The following ASB4 variants were observed in gnomAD, a reference collection of about 807,000 sequenced individuals.
ASB4 encodes the protein ankyrin repeat and SOCS box protein 4.
A neutral mutation model predicts 38.6 loss-of-function variants in ASB4; 35 were observed. The ratio of observed to expected loss-of-function variants is 0.91; its 90% CI spans 0.69 to 1.20. The LOEUF (loss-of-function observed/expected upper bound fraction) is 1.20. ASB4 is among the 50% of genes most tolerant of loss of function. The probability of loss-of-function intolerance (pLI) is 0.00; values close to 1 mark genes in which losing one functional copy is unlikely to be tolerated. For missense variants in ASB4, 557 were observed against 527.2 expected, an observed-to-expected ratio of 1.06 and a Z score of -0.55; for synonymous variants, 195 against 201.3, an observed-to-expected ratio of 0.97 and a Z score of 0.26.
Position 95,537,776 on chromosome 7 carries a change from G to T in ASB4, c.*17G>T. Reference sequence around the variant, plus strand: ...ATTTATTAAGCCTTATGAGACAGCAGTTCCCAATCCTAGGTATTTAAGTGG... The same window carrying T: ...ATTTATTAAGCCTTATGAGACAGCATTTCCCAATCCTAGGTATTTAAGTGG... On this transcript the variant is annotated 3_prime_UTR_variant, in exon 5 of 5. Coordinates refer to ENST00000325885, the MANE Select transcript of ASB4 (RefSeq NM_016116.3). The T allele has an allele frequency of 6.2e-7, 1 of 1,605,290 alleles. No individual in the cohort carries two copies. The highest frequency in any genetic ancestry group is 1.1e-5 in the South Asian group (1 of 90,120).
At chr7:95,480,442 G>A (rs1790013026) in intron 1 of ASB4, among the ~76,000 whole-genome samples, 3 of 152,146 alleles carry the variant, frequency 2.0e-5, no homozygotes, top group African/African-American at 7.2e-5. Context: ...CTGAATCAGT[G>A]CTAGTCAGTG....
downstream of ASB4, among the ~76,000 whole-genome samples, chr7:95,540,487 G>T (rs1790956874): frequency 6.6e-6 from 1 of 152,170 alleles, no homozygotes; most frequent in Admixed American, 6.5e-5. Context: ...AAATTGTACT[G>T]AATCATTCTC....
chr7:95,531,953 G>A (rs1300007069), intron 3 of ASB4, among the ~76,000 whole-genome samples: 2 of 152,168 alleles, frequency 1.3e-5, no homozygotes, highest in African/African-American at 4.8e-5. Flanking sequence ...TTGGCTGTAT[G>A]CTAAAGACAT....
At chr7:95,506,634 A>G (rs1481315765) in intron 2 of ASB4, among the ~76,000 whole-genome samples, 4 of 149,896 alleles carry the variant, frequency 2.7e-5, no homozygotes, top group Admixed American at 2.0e-4. Flanking sequence ...AGCCATTTAC[A>G]TCTTCATTTT....
chr7:95,489,957 A>G (rs1485125600), intron 1 of ASB4, among the ~76,000 whole-genome samples: 1 of 152,222 alleles, frequency 6.6e-6, no homozygotes, highest in Non-Finnish European at 1.5e-5. Flanking sequence ...CTTCCTTCAG[A>G]TGTATGAGCT....
chr7:95,493,230 C>T (rs1790197592), intron 1 of ASB4, among the ~76,000 whole-genome samples: 1 of 152,056 alleles, frequency 6.6e-6, no homozygotes, highest in Admixed American at 6.6e-5. Context: ...TTAAACAATC[C>T]TCAGTCCATT....
intron 2 of ASB4, among the ~76,000 whole-genome samples, chr7:95,511,752 C>T (rs1316631254): frequency 6.6e-6 from 1 of 152,084 alleles, no homozygotes; most frequent in African/African-American, 2.4e-5. Context: ...TTTCACTAAT[C>T]CTCACAACTA....
intron 2 of ASB4, among the ~76,000 whole-genome samples, chr7:95,508,358 G>A (rs553493632): frequency 6.6e-6 from 1 of 152,218 alleles, no homozygotes; most frequent in South Asian, 2.1e-4. Context: ...AAAGTAAGAA[G>A]TGAAGAGAGT....
At chr7:95,527,190 T>C (rs779007755) in intron 2 of ASB4, among the ~76,000 whole-genome samples, 14 of 152,056 alleles carry the variant, frequency 9.2e-5, no homozygotes, top group Non-Finnish European at 1.3e-4. Flanking sequence ...TGTGTGCATG[T>C]GTATGTGTGT....
rs1790947552 is a variant in ASB4, at chr7:95,539,926, A to C, written c.*2167A>C. ...AATTAACAAAGTAAAACAAGATCAC[A>C]CCCTGGAACAATTGGAGGATTGCTT... On this transcript the variant is annotated 3_prime_UTR_variant, in exon 5 of 5. Transcript: ENST00000325885. 6.6e-6 allele frequency: 1 copy of C among 152,176 alleles called. No homozygotes were observed. Among genetic ancestry groups the C allele is most frequent in the Non-Finnish European group, 1.5e-5 (1 of 68,022 alleles). The allele number at this position is 152,176 out of a possible 1,614,324, so 9.4% of individuals were successfully genotyped here.
chr7:95,479,416 T>C lies in ASB4; in HGVS notation n.157+816T>C, dbSNP rs556136947. 5.3e-4 allele frequency among the ~76,000 whole-genome samples: 80 copies of C among 152,344 alleles called. No homozygotes were observed. In the Middle Eastern group the frequency reaches 0.01, roughly 19 times the overall value. On this transcript the variant is annotated intron_variant and non_coding_transcript_variant, in intron 1 of 1. Coordinates refer to the ASB4 transcript ENST00000257621. ...TTTACAACCCTGGTAATTATTCTTA[T>C]GAAATAGTATGCTTAGTCCACAGAA... is the stretch of plus-strand genomic sequence containing the variant.
At chr7:95,486,375 TG>T (rs138545887) in intron 1 of ASB4, among the ~76,000 whole-genome samples, 6,224 of 152,302 alleles carry the variant, frequency 0.041, 159 homozygotes, top group South Asian at 0.067. Context: ...TTCCCACCCT[TG>T]GGCCTAGGAC....
At chr7:95,515,289 CTTTCTTTCTT>C (rs1267380479) in intron 2 of ASB4, among the ~76,000 whole-genome samples, 2 of 114,206 alleles carry the variant, frequency 1.8e-5, no homozygotes, top group African/African-American at 6.3e-5. Flanking sequence ...TTCTTTCTTT[CTTTCTTTCTT>C]TCTTTCTTTC....
At chr7:95,534,408 T>C (rs985952540) in intron 3 of ASB4, among the ~76,000 whole-genome samples, 25 of 152,166 alleles carry the variant, frequency 1.6e-4, no homozygotes, top group African/African-American at 5.3e-4. Context: ...ATGTTCCTTA[T>C]TTCTGTCAAT....
chr7:95,488,203 C>T (rs1215993808), intron 1 of ASB4, among the ~76,000 whole-genome samples: 1 of 152,088 alleles, frequency 6.6e-6, no homozygotes, highest in Non-Finnish European at 1.5e-5. Flanking sequence ...TAGCCAGGCG[C>T]GGTGGCGGCC....
At chr7:95,503,756 C>A (rs1320397764) in intron 2 of ASB4, among the ~76,000 whole-genome samples, 2 of 152,176 alleles carry the variant, frequency 1.3e-5, no homozygotes, top group African/African-American at 2.4e-5. Flanking sequence ...GAGGAAGAAC[C>A]AATGCCATGG....
chr7:95,528,795 A>G (rs937865996), intron 3 of ASB4: 10 of 664,596 alleles, frequency 1.5e-5, no homozygotes, highest in Non-Finnish European at 1.9e-5. Flanking sequence ...GCACACTGTT[A>G]TAAGCATTTT....
At chr7:95,502,391 CGG>C (rs11285695) in intron 2 of ASB4, among the ~76,000 whole-genome samples, 11 of 66,648 alleles carry the variant, frequency 1.7e-4, no homozygotes, top group African/African-American at 7.1e-4. Context: ...TACCAGCCTG[CGG>C]GGGGGGGGCA....
downstream of ASB4, chr7:95,544,036 G>GA (rs1223709532): frequency 6.6e-6 from 1 of 151,898 alleles, no homozygotes; most frequent in Non-Finnish European, 1.5e-5. Flanking sequence ...CTTTAGATCT[G>GA]AAAAAATATG....
Sources: gnomAD v4.1 joint callset for allele counts (sites outside exome capture counted in the v4.1 genomes callset) on GRCh38, gnomAD v4.1.1 for gene constraint, MANE v1.5 for transcripts, NCBI Gene and HGNC (gene_info 2026-07-23, HGNC 2026-07-21) for gene names.